RFTN1: variants seen among roughly 807,000 people sequenced by gnomAD.
RFTN1 encodes the protein raftlin.
In RFTN1, 26 loss-of-function variants were observed where a neutral mutation model predicts 46.5. That is an observed-to-expected ratio of 0.56 (90% CI 0.41 to 0.78). RFTN1 has a LOEUF of 0.78. Among genes scored for constraint, RFTN1 ranks in the 30% least tolerant of loss-of-function variants. The pLI is 0.00. For missense variants in RFTN1, 693 were observed against 718.7 expected (o/e 0.96, Z 0.41); for synonymous variants, 261 against 284.2 (o/e 0.92, Z 0.82).
At chr3:16,323,512 C>T (rs1231484396) in intron 8 of RFTN1, 55 bp from the exon 9 acceptor site, 32 of 1,283,576 alleles carry the variant, frequency 2.5e-5, no homozygotes, top group South Asian at 2.4e-4. Flanking sequence ...GAACCCAAAA[C>T]CTGACACAGA....
chr3:16,462,780 T>A (rs992390408), intron 2 of RFTN1, among the ~76,000 whole-genome samples: 3 of 152,232 alleles, frequency 2.0e-5, no homozygotes, highest in Non-Finnish European at 4.4e-5. Context: ...CCCAGGAAAC[T>A]AATACACTAC....
At chr3:16,464,254 G>A (rs147453693) in intron 2 of RFTN1, among the ~76,000 whole-genome samples, 15 of 152,200 alleles carry the variant, frequency 9.9e-5, no homozygotes, top group African/African-American at 1.4e-4. Context: ...GCAACATTCC[G>A]TCCAAGCAAA....
Position 16,374,460 on chromosome 3 carries a change from C to T in RFTN1, c.826+3258G>A, listed in dbSNP as rs2073663619. On this transcript the variant is annotated intron_variant, in intron 5 of 9. Coordinates refer to ENST00000334133, the MANE Select transcript of RFTN1 (RefSeq NM_015150.2). This position sits in a 1 kb window ranked among gnomAD's most constrained non-coding sequence, Gnocchi z 5.4. ...AGGGAGTTGGGAGGGAAGGAGCCCT[C>T]ACATCAGGAAAGCCCAACCCCCAGG... 6.6e-6 allele frequency among the ~76,000 whole-genome samples: 1 copy of T among 152,158 alleles called. No homozygotes were observed. Among genetic ancestry groups the T allele is most frequent in the Non-Finnish European group, 1.5e-5 (1 of 68,026 alleles).
Position 16,356,936 on chromosome 3 carries a change from GA to G in RFTN1, c.1146+995del, listed in dbSNP as rs547495564. On this transcript the variant is annotated intron_variant, in intron 7 of 9. Transcript: ENST00000334133. The surrounding 1 kb of genome is among the most constrained non-coding windows in gnomAD (Gnocchi z 4.9). Reference sequence around the variant, plus strand: ...TTGAGACCAGCCTGGCCAACGTGGTGAAACCCTGTCTTTACTAAAAATACAA... The same window carrying G: ...TTGAGACCAGCCTGGCCAACGTGGTGAACCCTGTCTTTACTAAAAATACAA... Among the ~76,000 whole-genome samples, 136 of 152,240 alleles carry G rather than the reference GA, an allele frequency of 8.9e-4. No homozygotes were observed. Among genetic ancestry groups the G allele is most frequent in the African/African-American group, 3.0e-3 (126 of 41,548 alleles).
intron 2 of RFTN1, among the ~76,000 whole-genome samples, chr3:16,485,860 GTGGA>G (rs1234233055): frequency 6.6e-6 from 1 of 152,240 alleles, no homozygotes; most frequent in Non-Finnish European, 1.5e-5. Context: ...TTCATGTGCG[GTGGA>G]TAAGCTTTGA....
In RFTN1 at chr3:16,498,776, T is replaced by C. The variant is rs576019058; in HGVS notation, c.-8-4899A>G. Among the ~76,000 whole-genome samples, 22 of 152,010 alleles carry C rather than the reference T, an allele frequency of 1.4e-4. No individual in the cohort carries two copies. The highest frequency in any genetic ancestry group is 3.1e-4 in the Non-Finnish European group (21 of 68,018). On this transcript the variant is annotated intron_variant, in intron 1 of 9. Transcript: ENST00000334133. The surrounding 1 kb of genome is among the most constrained non-coding windows in gnomAD (Gnocchi z 5.2). ...TTTCGCCCTGGATTCTTCCACCAAC[T>C]CCCACCCCTGTCAAAATAGGAAAGA...
In RFTN1 at chr3:16,480,634, C is replaced by T. The variant is rs892070360; in HGVS notation, c.145+13091G>A. Reference sequence around the variant, plus strand: ...ACCAGATTTGCTTTTGAAAATATTTCGTAGATAAAATTCAACAGGACTCCT... The same window carrying T: ...ACCAGATTTGCTTTTGAAAATATTTTGTAGATAAAATTCAACAGGACTCCT... On this transcript the variant is annotated intron_variant, in intron 2 of 9. Coordinates refer to ENST00000334133, the MANE Select transcript of RFTN1 (RefSeq NM_015150.2). This position sits in a 1 kb window ranked among gnomAD's most constrained non-coding sequence, Gnocchi z 4.3. 1.3e-5 allele frequency among the ~76,000 whole-genome samples: 2 copies of T among 152,098 alleles called. No individual in the cohort carries two copies. Among genetic ancestry groups the T allele is most frequent in the African/African-American group, 2.4e-5 (1 of 41,398 alleles).
intron 2 of RFTN1, among the ~76,000 whole-genome samples, chr3:16,434,391 AAC>A (rs1491409605): frequency 0.037 from 4,814 of 129,906 alleles, 119 homozygotes; most frequent in Middle Eastern, 0.075. Context: ...CAAACAAACA[AAC>A]AAAAACAAAA....
chr3:16,355,766 A>C (rs1232090615), intron 7 of RFTN1, among the ~76,000 whole-genome samples: 2 of 152,244 alleles, frequency 1.3e-5, no homozygotes, highest in Non-Finnish European at 2.9e-5. Context: ...AAGAATCTGC[A>C]TTTCTAATAA....
chr3:16,416,167 A>G (rs1274823683), intron 3 of RFTN1: 4 of 455,928 alleles, frequency 8.8e-6, no homozygotes, highest in Non-Finnish European at 1.8e-5. Flanking sequence ...GAATTTTCTG[A>G]AAGGAGTGAG....
rs1235086405 is a variant in RFTN1, at chr3:16,512,694, A to G, written c.-9+748T>C. The G allele has an allele frequency of 6.6e-6, 1 of 152,442 alleles. No individual in the cohort carries two copies. Among genetic ancestry groups the G allele is most frequent in the East Asian group, 1.9e-4 (1 of 5,194 alleles). The allele number at this position is 152,442 out of a possible 1,614,324, so 9.4% of individuals were successfully genotyped here. On this transcript the variant is annotated intron_variant, in intron 1 of 9. Transcript: ENST00000334133. The surrounding 1 kb of genome is among the most constrained non-coding windows in gnomAD (Gnocchi z 4.3). ...GACAACGGGGCTTCCCGAAATACACAACCACCTCCTCCTCGCCCAGACCCA... is the reference window on the plus strand; with the variant it reads ...GACAACGGGGCTTCCCGAAATACACGACCACCTCCTCCTCGCCCAGACCCA...
rs561131688 is a variant in RFTN1 at position 16,424,819 on chromosome 3, C to G, written c.332+9032G>C. ...TCATTAATAATGTACTTATATACATCTAAACATTATATCTCACCTACTTCT... is the reference window on the plus strand; with the variant it reads ...TCATTAATAATGTACTTATATACATGTAAACATTATATCTCACCTACTTCT... On this transcript the variant is annotated intron_variant, in intron 3 of 9. Coordinates refer to ENST00000334133, the MANE Select transcript of RFTN1 (RefSeq NM_015150.2). This position sits in a 1 kb window ranked among gnomAD's most constrained non-coding sequence, Gnocchi z 4.7. Among the ~76,000 whole-genome samples, 1 of 152,144 alleles carries G rather than the reference C, an allele frequency of 6.6e-6. No individual in the cohort carries two copies. The highest frequency in any genetic ancestry group is 2.1e-4 in the South Asian group (1 of 4,810).
Position 16,322,342 on chromosome 3 carries a change from G to C in RFTN1, c.1332+1034C>G, listed in dbSNP as rs1219157453. On this transcript the variant is annotated intron_variant, in intron 9 of 9. Coordinates refer to ENST00000334133, the MANE Select transcript of RFTN1 (RefSeq NM_015150.2). This position sits in a 1 kb window ranked among gnomAD's most constrained non-coding sequence, Gnocchi z 6.2. ...CCACAAGTGGGCTCCCCCTGGAGTT[G>C]TTGGCTGGTGAGGGGCTGCTCCAAT... Among the ~76,000 whole-genome samples the C allele has an allele frequency of 1.3e-5, 2 of 152,236 alleles. No individual in the cohort carries two copies. Among genetic ancestry groups the C allele is most frequent in the African/African-American group, 2.4e-5 (1 of 41,470 alleles).
At position 16,341,081 on chromosome 3, in the gene RFTN1, AG is replaced by A. The variant is rs1559837545; in HGVS notation, c.1147-14206del. On this transcript the variant is annotated intron_variant, in intron 7 of 9. Coordinates refer to ENST00000334133, the MANE Select transcript of RFTN1 (RefSeq NM_015150.2). This position sits in a 1 kb window ranked among gnomAD's most constrained non-coding sequence, Gnocchi z 4.7. ...AAGATGCTCAACATCATATGTCATTAGGGAAATGCAAATAAGACAGTCCACC... is the reference window on the plus strand; with the variant it reads ...AAGATGCTCAACATCATATGTCATTAGGAAATGCAAATAAGACAGTCCACC... Among the ~76,000 whole-genome samples, 2 of 152,274 alleles carry A rather than the reference AG, an allele frequency of 1.3e-5. No individual in the cohort carries two copies. Among genetic ancestry groups the A allele is most frequent in the East Asian group, 3.8e-4 (2 of 5,202 alleles).
rs1224249339 is a variant in RFTN1 at position 16,348,408 on chromosome 3, C to T, written c.1146+9524G>A. ...TGCCTTCTCTTCCAGCTGGCCTCTG[C>T]TCCTGTCACTTCCCACAGCAGGAAG... On this transcript the variant is annotated intron_variant, in intron 7 of 9. Coordinates refer to ENST00000334133, the MANE Select transcript of RFTN1 (RefSeq NM_015150.2). This position sits in a 1 kb window ranked among gnomAD's most constrained non-coding sequence, Gnocchi z 6.3. Among the ~76,000 whole-genome samples the T allele has an allele frequency of 6.6e-6, 1 of 152,178 alleles. No homozygotes were observed. Among genetic ancestry groups the T allele is most frequent in the Non-Finnish European group, 1.5e-5 (1 of 68,032 alleles).
Position 16,374,260 on chromosome 3 carries a change from G to A in RFTN1, c.826+3458C>T, listed in dbSNP as rs73041431. Among the ~76,000 whole-genome samples, 4,693 of 152,276 alleles carry A rather than the reference G, an allele frequency of 0.031. 101 individuals carry two copies. The highest frequency in any genetic ancestry group is 0.078 in the Middle Eastern group (23 of 294). On this transcript the variant is annotated intron_variant, in intron 5 of 9. Transcript: ENST00000334133. The surrounding 1 kb of genome is among the most constrained non-coding windows in gnomAD (Gnocchi z 5.4). The stretch of plus-strand genomic sequence containing the variant: ...AGAGTCTTTCAAACCCCAAACCCTG[G>A]GCTCTTTCCCAAATCTAACAAGAGG...
At chr3:16,324,374 C>A (rs560135492) in intron 8 of RFTN1, among the ~76,000 whole-genome samples, 4 of 152,196 alleles carry the variant, frequency 2.6e-5, no homozygotes, top group Non-Finnish European at 4.4e-5. Flanking sequence ...CAATAGATGA[C>A]CAAGGCTTAT....
chr3:16,482,067 G>C (rs1353074531), intron 2 of RFTN1, among the ~76,000 whole-genome samples: 1 of 152,092 alleles, frequency 6.6e-6, no homozygotes, highest in Non-Finnish European at 1.5e-5. Context: ...TCATGTTCTT[G>C]ATACCTAAGG....
rs1199438867 is a variant in RFTN1, at chr3:16,345,256, G to C, written c.1146+12676C>G. On this transcript the variant is annotated intron_variant, in intron 7 of 9. Coordinates refer to ENST00000334133, the MANE Select transcript of RFTN1 (RefSeq NM_015150.2). The surrounding 1 kb of genome is among the most constrained non-coding windows in gnomAD (Gnocchi z 5.2). ...GCCCACAGAAACTGTAAGATAATAAGTAGGTGGTTGTGTGTGTGTGTGTGT... is the reference window on the plus strand; with the variant it reads ...GCCCACAGAAACTGTAAGATAATAACTAGGTGGTTGTGTGTGTGTGTGTGT... 1 of 132,088 alleles carries C rather than the reference G, an allele frequency of 7.6e-6. No homozygotes were observed. Among genetic ancestry groups the C allele is most frequent in the Non-Finnish European group, 1.6e-5 (1 of 61,884 alleles). The allele number at this position is 132,088 out of a possible 1,614,324, so 8.2% of individuals were successfully genotyped here.
Sources: gnomAD v4.1 joint callset for allele counts (sites outside exome capture counted in the v4.1 genomes callset) on GRCh38, gnomAD v4.1.1 for gene constraint, Gnocchi (gnomAD v3.1) non-coding constraint, MANE v1.5 for transcripts, NCBI Gene and HGNC (gene_info 2026-07-23, HGNC 2026-07-21) for gene names.